ARHGAP24: variants seen among roughly 807,000 people sequenced by gnomAD.
ARHGAP24 encodes Rho GTPase activating protein 24, also known as rho GTPase-activating protein 24.
ARHGAP24 carries 50 observed loss-of-function variants against 76.4 expected under a neutral mutation model. The ratio of observed to expected loss-of-function variants is 0.65; its 90% CI spans 0.52 to 0.83. ARHGAP24 has a LOEUF of 0.83. Ranked by LOEUF, ARHGAP24 falls within the 40% of genes least tolerant of loss-of-function variation. ARHGAP24 has a pLI of 0.00. For synonymous variants in ARHGAP24, 345 were observed against 323.3 expected (o/e 1.07, Z -0.72); for missense variants, 930 against 914.2 (o/e 1.02, Z -0.22).
At chr4:85,612,814 T>TTTTTTTG (rs1720440018) in intron 2 of ARHGAP24, among the ~76,000 whole-genome samples, 1 of 107,024 alleles carries the variant, frequency 9.3e-6, no homozygotes, top group East Asian at 2.2e-4. Context: ...TTTTTTTTTT[T>TTTTTTTG]GTGGCAATCT....
chr4:85,771,199 C>T (rs1242045518), intron 3 of ARHGAP24, among the ~76,000 whole-genome samples: 3 of 152,154 alleles, frequency 2.0e-5, no homozygotes, highest in Non-Finnish European at 2.9e-5. Flanking sequence ...GGGATTGGCT[C>T]ACATGATTAT....
chr4:85,859,967 A>T (rs1731797240), intron 3 of ARHGAP24, among the ~76,000 whole-genome samples: 1 of 152,138 alleles, frequency 6.6e-6, no homozygotes. Flanking sequence ...TGATATTAAC[A>T]GGGCAAAGCT....
intron 3 of ARHGAP24, among the ~76,000 whole-genome samples, chr4:85,772,051 A>G (rs888113557): frequency 7.2e-5 from 11 of 152,222 alleles, no homozygotes; most frequent in African/African-American, 2.7e-4. Flanking sequence ...TGGCACTAAA[A>G]TAATTAATAA....
At chr4:85,769,349 G>A (rs975074796) in intron 3 of ARHGAP24, among the ~76,000 whole-genome samples, 2 of 152,130 alleles carry the variant, frequency 1.3e-5, no homozygotes, top group African/African-American at 2.4e-5. Context: ...CATCTGATAA[G>A]TTTTACAGTT....
chr4:85,961,983 A>G (rs933786612), intron 5 of ARHGAP24, among the ~76,000 whole-genome samples: 13 of 152,088 alleles, frequency 8.5e-5, no homozygotes, highest in African/African-American at 3.1e-4. Context: ...CGAAGGGAAA[A>G]ACATGTAGGC....
intron 3 of ARHGAP24, among the ~76,000 whole-genome samples, chr4:85,756,003 C>A (rs1651640572): frequency 6.6e-6 from 1 of 151,938 alleles, no homozygotes; most frequent in African/African-American, 2.4e-5. Flanking sequence ...CCCCCTCTAG[C>A]AAAAGATAAG....
At chr4:85,935,325 G>A (rs1220485776) in intron 4 of ARHGAP24, among the ~76,000 whole-genome samples, 4 of 152,258 alleles carry the variant, frequency 2.6e-5, no homozygotes, top group Non-Finnish European at 4.4e-5. Context: ...TTGGAATAAC[G>A]AAACATAAAT....
At chr4:85,667,154 G>C (rs1436655201) in intron 2 of ARHGAP24, among the ~76,000 whole-genome samples, 2 of 152,234 alleles carry the variant, frequency 1.3e-5, no homozygotes, top group Non-Finnish European at 2.9e-5. Context: ...GCTCCACCCA[G>C]TTGGAGCTTC....
chr4:85,790,618 T>C (rs980846911), intron 3 of ARHGAP24, among the ~76,000 whole-genome samples: 1 of 152,182 alleles, frequency 6.6e-6, no homozygotes, highest in Non-Finnish European at 1.5e-5. Flanking sequence ...AAAGACAGAC[T>C]CTTGGTAGGA....
intron 1 of ARHGAP24, among the ~76,000 whole-genome samples, chr4:85,563,413 A>G (rs2110136930): frequency 6.6e-6 from 1 of 152,250 alleles, no homozygotes; most frequent in Admixed American, 6.5e-5. Flanking sequence ...GGCGACCAAC[A>G]TATTGCTGTG....
At position 85,932,546 on chromosome 4, in the gene ARHGAP24, G is replaced by A. The variant is rs113186811; in HGVS notation, c.391+8776G>A. 7.2e-3 allele frequency among the ~76,000 whole-genome samples: 1,095 copies of A among 151,408 alleles called. 17 individuals are homozygous for A. The highest frequency in any genetic ancestry group is 0.025 in the African/African-American group (1,033 of 41,282). On this transcript the variant is annotated intron_variant, in intron 4 of 9. Transcript: ENST00000395184. ...CTCCCTTTCTCCTTAAATACTAAGC[G>A]GGGAAGGCAGTGCCTGGGAAGAACA...
At chr4:85,679,832 C>T (rs989460854) in intron 2 of ARHGAP24, among the ~76,000 whole-genome samples, 5 of 152,072 alleles carry the variant, frequency 3.3e-5, no homozygotes, top group African/African-American at 1.2e-4. Context: ...TTGCTTCTCT[C>T]CTTTAATTCT....
chr4:85,844,511 A>G (rs1367286489), intron 3 of ARHGAP24, among the ~76,000 whole-genome samples: 1 of 152,240 alleles, frequency 6.6e-6, no homozygotes, highest in Non-Finnish European at 1.5e-5. Context: ...GTTGTTAGTA[A>G]CAATTCACAC....
intron 2 of ARHGAP24, among the ~76,000 whole-genome samples, chr4:85,593,079 A>G (rs1441650537): frequency 6.6e-6 from 1 of 152,126 alleles, no homozygotes; most frequent in African/African-American, 2.4e-5. Flanking sequence ...CCAATGGCAT[A>G]TGAGGGTTCC....
At chr4:85,580,316 T>C (rs1241848810) in intron 2 of ARHGAP24, among the ~76,000 whole-genome samples, 1 of 152,158 alleles carries the variant, frequency 6.6e-6, no homozygotes, top group African/African-American at 2.4e-5. Context: ...TACATGTCCA[T>C]ATTGGTTGTT....
intron 4 of ARHGAP24, chr4:85,930,392 T>C: frequency 1.0e-6 from 1 of 986,654 alleles, no homozygotes. Flanking sequence ...TGAAATGCTT[T>C]CTGGAGAAGG....
intron 1 of ARHGAP24, among the ~76,000 whole-genome samples, chr4:85,520,390 C>T (rs374706252): frequency 1.1e-4 from 17 of 152,044 alleles, no homozygotes; most frequent in African/African-American, 3.4e-4. Flanking sequence ...CTAACTCTTC[C>T]GACTTCATCT....
intron 1 of ARHGAP24, among the ~76,000 whole-genome samples, chr4:85,508,067 T>C (rs114111945): frequency 7.0e-6 from 1 of 143,726 alleles, no homozygotes; most frequent in Non-Finnish European, 1.5e-5. Flanking sequence ...TTTTTTTTTT[T>C]AATTCTTAGG....
chr4:85,780,738 T>A (rs1727515502), intron 3 of ARHGAP24, among the ~76,000 whole-genome samples: 2 of 152,232 alleles, frequency 1.3e-5, no homozygotes, highest in Non-Finnish European at 2.9e-5. Context: ...GAAACGTGCA[T>A]GTGCCAAAGG....
Sources: allele counts gnomAD v4.1 joint callset (sites outside exome capture counted in the v4.1 genomes callset), GRCh38; gene constraint gnomAD v4.1.1; transcripts MANE v1.5; gene names NCBI Gene and HGNC (gene_info 2026-07-23, HGNC 2026-07-21).